Variants in ADGRL2 observed in about 807,000 individuals in gnomAD.
The protein encoded by ADGRL2 is calcium-independent alpha-latrotoxin receptor 2.
In ADGRL2, 44 loss-of-function variants were observed where a neutral mutation model predicts 157.4. The ratio of observed to expected loss-of-function variants is 0.28; its 90% CI spans 0.22 to 0.36. The LOEUF is 0.36. Ranked by LOEUF, ADGRL2 falls within the 10% of genes least tolerant of loss-of-function variation. ADGRL2 has a pLI of 1.00. For missense variants in ADGRL2, 1,510 were observed against 1,768.9 expected, an observed-to-expected ratio of 0.85 and a Z score of 2.63; for synonymous variants, 585 against 624.7, an observed-to-expected ratio of 0.94 and a Z score of 0.95.
chr1:81,694,513 T>G (rs1302591735), intron 3 of ADGRL2, among the ~76,000 whole-genome samples: 1 of 151,976 alleles, frequency 6.6e-6, no homozygotes, highest in African/African-American at 2.4e-5. Flanking sequence ...CTGTTTTTCT[T>G]TGAAACAGCC....
chr1:81,457,354 A>G (rs2077828935), intron 2 of ADGRL2, among the ~76,000 whole-genome samples: 1 of 152,142 alleles, frequency 6.6e-6, no homozygotes, highest in Non-Finnish European at 1.5e-5. Flanking sequence ...CTCTTAATGA[A>G]CTAGGAAAAT....
intron 17 of ADGRL2, among the ~76,000 whole-genome samples, chr1:81,976,398 T>C (rs939177541): frequency 3.3e-5 from 5 of 152,026 alleles, no homozygotes; most frequent in Admixed American, 1.3e-4. Flanking sequence ...TGGGTTTAAC[T>C]ATAAATTTCT....
intron 2 of ADGRL2, among the ~76,000 whole-genome samples, chr1:81,523,492 A>G (rs2079374186): frequency 1.3e-5 from 2 of 152,322 alleles, no homozygotes; most frequent in South Asian, 2.1e-4. Flanking sequence ...CATCTATACC[A>G]TAAGTCAATA....
intron 3 of ADGRL2, among the ~76,000 whole-genome samples, chr1:81,637,456 C>T (rs1458470554): frequency 6.6e-6 from 1 of 152,078 alleles, no homozygotes; most frequent in Non-Finnish European, 1.5e-5. Context: ...CCACTTAGCA[C>T]AGCTGAAAAA....
At chr1:81,612,084 T>G (rs895025620) in intron 3 of ADGRL2, among the ~76,000 whole-genome samples, 5 of 152,112 alleles carry the variant, frequency 3.3e-5, no homozygotes, top group African/African-American at 1.2e-4. Context: ...TTACCCAGTC[T>G]CAAGTAGTAT....
Position 81,354,659 on chromosome 1 carries a change from T to C in ADGRL2, c.-302+48150T>C, listed in dbSNP as rs77361091. 6.2e-3 allele frequency among the ~76,000 whole-genome samples: 945 copies of C among 152,302 alleles called. 8 individuals carry two copies. The highest frequency in any genetic ancestry group is 0.022 in the African/African-American group (916 of 41,552). ...GACAGGCCTCGTTTTCCTGTACTCA[T>C]GCATTCATGTGTGCCGCTTTCATAG... On this transcript the variant is annotated intron_variant, in intron 1 of 24. Transcript: ENST00000370721.
rs1398245612 is a variant in ADGRL2 at position 81,943,657 on chromosome 1, T to C, written c.1098T>C (p.Tyr366=). 1.2e-6 allele frequency: 2 copies of C among 1,613,458 alleles called. No individual in the cohort carries two copies. Among genetic ancestry groups the C allele is most frequent in the African/African-American group, 2.7e-5 (2 of 74,866 alleles). ...EYVDVPFPNQ[Y]QYIAAVDYNP... is the part of the protein sequence containing the mutation. ...TAGATGTTCCCTTCCCCAACCAGTATCAGTATATTGCTGCAGTGGATTACA... is the reference window on the plus strand; with the variant it reads ...TAGATGTTCCCTTCCCCAACCAGTACCAGTATATTGCTGCAGTGGATTACA... Residue 366 remains tyrosine, a synonymous_variant, in exon 6 of 24, where the codon TAT becomes TAC. Transcript: ENST00000686636. The surrounding 1 kb of genome is among the most constrained non-coding windows in gnomAD (Gnocchi z 5.6).
chr1:81,625,907 T>C (rs975960994), intron 3 of ADGRL2, among the ~76,000 whole-genome samples: 2 of 152,198 alleles, frequency 1.3e-5, no homozygotes, highest in Non-Finnish European at 2.9e-5. Context: ...GTGGACTATA[T>C]AGAGTTAAAA....
intron 2 of ADGRL2, among the ~76,000 whole-genome samples, chr1:81,837,412 A>G (rs1162146956): frequency 6.6e-6 from 1 of 152,082 alleles, no homozygotes; most frequent in East Asian, 1.9e-4. Context: ...ATCTTTAGTT[A>G]CATTTGCTTA....
At chr1:81,610,734 A>G (rs2081524672) in intron 3 of ADGRL2, among the ~76,000 whole-genome samples, 1 of 152,148 alleles carries the variant, frequency 6.6e-6, no homozygotes, top group African/African-American at 2.4e-5. Flanking sequence ...GGTATTAGTG[A>G]AGGTGGAAAT....
At chr1:81,464,803 G>A (rs2078018350) in intron 2 of ADGRL2, among the ~76,000 whole-genome samples, 1 of 152,000 alleles carries the variant, frequency 6.6e-6, no homozygotes. Flanking sequence ...CATGAGGGGT[G>A]GCATATAATT....
chr1:81,631,808 TG>T (rs1247282810), intron 3 of ADGRL2, among the ~76,000 whole-genome samples: 2 of 152,128 alleles, frequency 1.3e-5, no homozygotes, highest in Non-Finnish European at 2.9e-5. Flanking sequence ...CACTTCCCCC[TG>T]CCTGGACCCC....
At chr1:81,942,002 T>A (rs1304207169) in intron 4 of ADGRL2, 32 bp from the exon 5 acceptor site, 1 of 766,640 alleles carries the variant, frequency 1.3e-6, no homozygotes, top group Non-Finnish European at 2.4e-6. Context: ...TTGCACCTTT[T>A]TTATTTTTCT....
At chr1:81,704,215 C>G (rs1255704454) in intron 1 of ADGRL2, among the ~76,000 whole-genome samples, 1 of 152,218 alleles carries the variant, frequency 6.6e-6, no homozygotes, top group African/African-American at 2.4e-5. Context: ...AATCTAATAC[C>G]TGTGCATTAC....
chr1:81,737,438 C>G (rs576918966), intron 1 of ADGRL2, among the ~76,000 whole-genome samples: 1 of 152,140 alleles, frequency 6.6e-6, no homozygotes, highest in Admixed American at 6.6e-5. Context: ...AATTCACCAT[C>G]ATAAGAATAA....
At chr1:81,525,094 C>A (rs2079421497) in intron 2 of ADGRL2, among the ~76,000 whole-genome samples, 1 of 151,960 alleles carries the variant, frequency 6.6e-6, no homozygotes, top group Non-Finnish European at 1.5e-5. Flanking sequence ...CATCACTATT[C>A]AAAAAATAAA....
chr1:81,715,179 ATTTT>A (rs36125044), intron 1 of ADGRL2, among the ~76,000 whole-genome samples: 6 of 146,274 alleles, frequency 4.1e-5, no homozygotes, highest in African/African-American at 7.5e-5. Flanking sequence ...AATTTAGTAA[ATTTT>A]TTTTTTTTTT....
At chr1:81,452,890 A>G (rs2077728377) in intron 2 of ADGRL2, among the ~76,000 whole-genome samples, 1 of 152,166 alleles carries the variant, frequency 6.6e-6, no homozygotes, top group Non-Finnish European at 1.5e-5. Context: ...ATGGGAACTC[A>G]AGAGGACAAT....
chr1:81,834,866 T>C (rs1277387595), intron 1 of ADGRL2, among the ~76,000 whole-genome samples: 1 of 152,186 alleles, frequency 6.6e-6, no homozygotes, highest in Non-Finnish European at 1.5e-5. Context: ...TTTCACATTC[T>C]CAAACCTTCA....
Sources: allele counts gnomAD v4.1 joint callset (sites outside exome capture counted in the v4.1 genomes callset), GRCh38; gene constraint gnomAD v4.1.1; non-coding constraint Gnocchi (gnomAD v3.1); transcripts MANE v1.5; gene names NCBI Gene and HGNC (gene_info 2026-07-23, HGNC 2026-07-21).